ZNF704: variants seen among roughly 807,000 people sequenced by gnomAD.
ZNF704 encodes the protein glucocorticoid induced gene 1.
In ZNF704, 10 loss-of-function variants were observed where a neutral mutation model predicts 44.7. That is an observed-to-expected ratio of 0.22 (90% CI 0.14 to 0.38). ZNF704 has a LOEUF of 0.38. Ranked by LOEUF, ZNF704 falls within the 10% of genes least tolerant of loss-of-function variation. The pLI is 1.00. For synonymous variants in ZNF704, 211 were observed against 207.6 expected, an observed-to-expected ratio of 1.02 and a Z score of -0.14; for missense variants, 390 against 545.5, an observed-to-expected ratio of 0.71 and a Z score of 2.84.
intron 7 of ZNF704, among the ~76,000 whole-genome samples, chr8:80,646,254 T>C (rs1817832037): frequency 6.6e-6 from 1 of 152,190 alleles, no homozygotes; most frequent in Admixed American, 6.5e-5. Context: ...CCAAGGTGAA[T>C]GGATCACTTG....
At chr8:80,781,893 C>T (rs145499692) in intron 2 of ZNF704, among the ~76,000 whole-genome samples, 3 of 152,278 alleles carry the variant, frequency 2.0e-5, no homozygotes, top group Non-Finnish European at 4.4e-5. Flanking sequence ...CGTTTTTCTC[C>T]CACTGAAGAA....
At chr8:80,724,479 T>C (rs1287460332) in intron 2 of ZNF704, among the ~76,000 whole-genome samples, 1 of 152,224 alleles carries the variant, frequency 6.6e-6, no homozygotes. Context: ...CAAGCCCCTG[T>C]CTATTTTAAT....
At chr8:80,645,058 A>C (rs1817805700) in intron 7 of ZNF704, 8 of 1,393,286 alleles carry the variant, frequency 5.7e-6, no homozygotes, top group Admixed American at 3.4e-5. Flanking sequence ...TCAGATTCAG[A>C]CATCAAATGG....
intron 1 of ZNF704, among the ~76,000 whole-genome samples, chr8:80,854,143 G>A (rs1344230578): frequency 6.6e-6 from 1 of 152,208 alleles, no homozygotes; most frequent in Admixed American, 6.5e-5. Context: ...TATTGTGTAT[G>A]AAATGATGGT....
At chr8:80,838,661 A>C (rs1195230291) in intron 1 of ZNF704, among the ~76,000 whole-genome samples, 5 of 143,250 alleles carry the variant, frequency 3.5e-5, no homozygotes, top group Non-Finnish European at 7.5e-5. Flanking sequence ...AGGAGGAAAG[A>C]AGCAGAACCT....
At chr8:80,873,930 G>C (rs1300465468) in intron 1 of ZNF704, among the ~76,000 whole-genome samples, 1 of 146,600 alleles carries the variant, frequency 6.8e-6, no homozygotes, top group African/African-American at 2.4e-5. Context: ...GGGGGCGGGA[G>C]CCCGGGTAGG....
chr8:80,718,356 TTC>T (rs1325651515), intron 2 of ZNF704, among the ~76,000 whole-genome samples: 1 of 150,150 alleles, frequency 6.7e-6, no homozygotes, highest in East Asian at 1.9e-4. Context: ...TAAATCATTC[TTC>T]TCTGTTTCTC....
chr8:80,664,947 AGGT>A lies in ZNF704; in HGVS notation c.792_794del (p.Pro266del). 6.2e-7 allele frequency: 1 copy of A among 1,614,170 alleles called. No homozygotes were observed. Among genetic ancestry groups the A allele is most frequent in the Non-Finnish European group, 8.5e-7 (1 of 1,180,032 alleles). On this transcript the variant is annotated inframe_deletion, in exon 6 of 9. Transcript: ENST00000327835. ...TTGAATCTGGGATGGGGAAAGTAGG[AGGT>A]GAAGCCAGGGACTGGGAAGGTGAGA...
chr8:80,716,152 C>T (rs1378867552), intron 2 of ZNF704, among the ~76,000 whole-genome samples: 1 of 152,100 alleles, frequency 6.6e-6, no homozygotes, highest in Non-Finnish European at 1.5e-5. Flanking sequence ...TCCTGTTCTA[C>T]CAACACCTTT....
At chr8:80,815,502 T>C (rs888788553) in intron 2 of ZNF704, among the ~76,000 whole-genome samples, 3 of 152,248 alleles carry the variant, frequency 2.0e-5, no homozygotes. Context: ...ATCTAGGTTA[T>C]CTAACAATGC....
intron 2 of ZNF704, among the ~76,000 whole-genome samples, chr8:80,716,505 C>T (rs73273077): frequency 0.069 from 10,536 of 152,176 alleles, 1,219 homozygotes; most frequent in African/African-American, 0.24. Context: ...CACCTGGAGC[C>T]CAAGTCATTT....
chr8:80,793,999 G>A (rs907854756), intron 2 of ZNF704, among the ~76,000 whole-genome samples: 13 of 152,096 alleles, frequency 8.5e-5, no homozygotes, highest in Non-Finnish European at 1.6e-4. Flanking sequence ...ACATGGCAAA[G>A]ACATCATAAG....
intron 2 of ZNF704, among the ~76,000 whole-genome samples, chr8:80,734,593 G>C (rs1204529577): frequency 6.6e-6 from 1 of 152,144 alleles, no homozygotes; most frequent in Admixed American, 6.5e-5. Flanking sequence ...AATATTTTAA[G>C]TATATGTATA....
chr8:80,656,461 A>G (rs1241787342), intron 7 of ZNF704, among the ~76,000 whole-genome samples: 1 of 152,208 alleles, frequency 6.6e-6, no homozygotes, highest in Non-Finnish European at 1.5e-5. Context: ...GAGAGAAGGC[A>G]GGTCATTAGG....
intron 4 of ZNF704, among the ~76,000 whole-genome samples, chr8:80,679,385 T>G (rs1016184323): frequency 6.7e-6 from 1 of 148,866 alleles, no homozygotes; most frequent in Non-Finnish European, 1.5e-5. Context: ...GAGGAGAACA[T>G]GAAAAAATAG....
At chr8:80,841,820 C>G (rs766053547) in intron 1 of ZNF704, among the ~76,000 whole-genome samples, 1 of 152,046 alleles carries the variant, frequency 6.6e-6, no homozygotes, top group Non-Finnish European at 1.5e-5. Flanking sequence ...GAAAGGGTCT[C>G]GCTCTGTTGC....
At chr8:80,665,386 G>C (rs1291537124) in intron 5 of ZNF704, among the ~76,000 whole-genome samples, 1 of 152,186 alleles carries the variant, frequency 6.6e-6, no homozygotes, top group Non-Finnish European at 1.5e-5. Flanking sequence ...ATAAAATATA[G>C]ACTCCGCCCT....
chr8:80,873,164 T>C (rs1020129454), intron 1 of ZNF704, among the ~76,000 whole-genome samples: 40 of 152,020 alleles, frequency 2.6e-4, no homozygotes, highest in Non-Finnish European at 1.0e-4. Flanking sequence ...TGGGGGAGAA[T>C]AAAATCTCAC....
intron 7 of ZNF704, chr8:80,645,273 A>G: frequency 1.7e-6 from 2 of 1,180,796 alleles, no homozygotes; most frequent in Non-Finnish European, 2.4e-6. Flanking sequence ...GAGGATAGAC[A>G]TTTAATAAAT....
Sources: allele counts gnomAD v4.1 joint callset (sites outside exome capture counted in the v4.1 genomes callset), GRCh38; gene constraint gnomAD v4.1.1; transcripts MANE v1.5; gene names NCBI Gene and HGNC (gene_info 2026-07-23, HGNC 2026-07-21).